Variants in NTNG1 observed in about 807,000 individuals in gnomAD.
NTNG1 encodes netrin-G1.
Under a neutral mutation model 54.0 loss-of-function variants are expected in NTNG1, and 16 were observed. The ratio of observed to expected loss-of-function variants is 0.30; its 90% CI spans 0.20 to 0.45. The LOEUF (loss-of-function observed/expected upper bound fraction) is 0.45. Ranked by LOEUF, NTNG1 falls within the 20% of genes least tolerant of loss-of-function variation. NTNG1 has a pLI of 1.00. For synonymous variants in NTNG1, 255 were observed against 263.1 expected, an observed-to-expected ratio of 0.97 and a Z score of 0.30; for missense variants, 530 against 678.7, an observed-to-expected ratio of 0.78 and a Z score of 2.43.
intron 5 of NTNG1, among the ~76,000 whole-genome samples, chr1:107,424,004 T>C (rs1338962077): frequency 6.6e-6 from 1 of 152,170 alleles, no homozygotes. Flanking sequence ...TTAAGTTCTG[T>C]AGTTATAATT....
At chr1:107,245,456 A>G (rs1473707663) in intron 2 of NTNG1, among the ~76,000 whole-genome samples, 1 of 152,214 alleles carries the variant, frequency 6.6e-6, no homozygotes, top group African/African-American at 2.4e-5. Context: ...ATTATAAGAA[A>G]AAAGAATCTC....
intron 2 of NTNG1, among the ~76,000 whole-genome samples, chr1:107,152,544 A>G (rs1181763167): frequency 6.6e-6 from 1 of 152,198 alleles, no homozygotes; most frequent in Non-Finnish European, 1.5e-5. Context: ...GATAAGTTAA[A>G]CAGACGCTTT....
intron 5 of NTNG1, chr1:107,410,006 G>T (rs1673693971): frequency 6.6e-6 from 1 of 152,070 alleles, no homozygotes; most frequent in South Asian, 2.1e-4. Context: ...ACGGGAATGG[G>T]GTTTTCAAGG....
chr1:107,304,198 T>C (rs1666515476), intron 2 of NTNG1, among the ~76,000 whole-genome samples: 1 of 152,064 alleles, frequency 6.6e-6, no homozygotes, highest in Non-Finnish European at 1.5e-5. Context: ...TTTTTTTTTT[T>C]CTTTTTCTTT....
At chr1:107,370,937 A>G (rs1004764912) in intron 3 of NTNG1, among the ~76,000 whole-genome samples, 1 of 152,118 alleles carries the variant, frequency 6.6e-6, no homozygotes, top group African/African-American at 2.4e-5. Flanking sequence ...TTGATCTTAT[A>G]TACTGCAACC....
intron 3 of NTNG1, among the ~76,000 whole-genome samples, chr1:107,386,859 TC>T (rs2101055172): frequency 6.6e-6 from 1 of 152,358 alleles, no homozygotes; most frequent in African/African-American, 2.4e-5. Flanking sequence ...CATTTTATAC[TC>T]CCAATAGCAA....
At chr1:107,428,273 G>A (rs982277512) in intron 5 of NTNG1, among the ~76,000 whole-genome samples, 8 of 152,050 alleles carry the variant, frequency 5.3e-5, no homozygotes, top group East Asian at 1.9e-4. Flanking sequence ...TGCACATCCT[G>A]TAGGACATTT....
intron 3 of NTNG1, among the ~76,000 whole-genome samples, chr1:107,363,183 T>C (rs1018461911): frequency 6.6e-6 from 1 of 152,232 alleles, no homozygotes; most frequent in African/African-American, 2.4e-5. Flanking sequence ...TTTTCACACC[T>C]GAATTTCATG....
At chr1:107,245,373 T>C (rs188527118) in intron 2 of NTNG1, among the ~76,000 whole-genome samples, 308 of 152,314 alleles carry the variant, frequency 2.0e-3, no homozygotes, top group African/African-American at 5.8e-3. Context: ...TTCTGGTAAA[T>C]AGGCATTTCC....
intron 2 of NTNG1, among the ~76,000 whole-genome samples, chr1:107,206,354 C>T (rs1418377592): frequency 2.6e-5 from 4 of 152,084 alleles, no homozygotes; most frequent in Admixed American, 6.6e-5. Flanking sequence ...AGTGGTGTTT[C>T]ACTGTGGTTT....
chr1:107,209,392 T>G (rs766710621), intron 2 of NTNG1, among the ~76,000 whole-genome samples: 12 of 151,992 alleles, frequency 7.9e-5, no homozygotes, highest in Non-Finnish European at 1.3e-4. Flanking sequence ...AGGAAACAGA[T>G]GATGAGATAG....
intron 5 of NTNG1, chr1:107,408,720 G>T (rs1378847387): frequency 6.6e-6 from 1 of 151,934 alleles, no homozygotes; most frequent in Non-Finnish European, 1.5e-5. Flanking sequence ...GAGAAAGCAA[G>T]ATTACGCATG....
intron 3 of NTNG1, among the ~76,000 whole-genome samples, chr1:107,384,255 C>A (rs779505573): frequency 6.6e-6 from 1 of 152,146 alleles, no homozygotes; most frequent in Non-Finnish European, 1.5e-5. Flanking sequence ...ATAGAACCAG[C>A]AGTTTACTGA....
At chr1:107,294,954 G>T (rs556203919) in intron 2 of NTNG1, among the ~76,000 whole-genome samples, 1 of 152,282 alleles carries the variant, frequency 6.6e-6, no homozygotes, top group Non-Finnish European at 1.5e-5. Context: ...CAACCTAAAT[G>T]CACTCAGTAA....
chr1:107,211,212 G>A (rs767891545), intron 2 of NTNG1, among the ~76,000 whole-genome samples: 8 of 152,142 alleles, frequency 5.3e-5, no homozygotes, highest in East Asian at 3.9e-4. Flanking sequence ...TGTTCTTCAC[G>A]TCTCCTGGAA....
chr1:107,448,831 A>G (rs938250162), intron 7 of NTNG1, among the ~76,000 whole-genome samples: 3 of 152,098 alleles, frequency 2.0e-5, no homozygotes, highest in African/African-American at 4.8e-5. Flanking sequence ...AACTTAAACA[A>G]GTAGCCTATT....
chr1:107,363,977 G>A (rs1267449435), intron 3 of NTNG1, among the ~76,000 whole-genome samples: 1 of 152,086 alleles, frequency 6.6e-6, no homozygotes, highest in Non-Finnish European at 1.5e-5. Flanking sequence ...TTCTGATGCT[G>A]CACAGTGCCC....
chr1:107,381,427 C>A lies in NTNG1; in HGVS notation c.888-13727C>A, dbSNP rs562775575. Among the ~76,000 whole-genome samples the A allele has an allele frequency of 3.6e-5, 5 of 139,082 alleles. No individual in the cohort carries two copies. The East Asian group carries it at 1.2e-3, about 33-fold the overall frequency. 91.2% of individuals were successfully genotyped at this position (139,082 alleles called of 152,430 possible). A position where few individuals can be genotyped will look rare whatever the true frequency, so the allele number is the denominator to read the frequency against. Reference sequence around the variant, plus strand: ...TCGTAAGCATTGCATAAGATTAGAACTAGAATGGGCTTTGAAATTAGCATA... The same window carrying A: ...TCGTAAGCATTGCATAAGATTAGAAATAGAATGGGCTTTGAAATTAGCATA... On this transcript the variant is annotated intron_variant, in intron 3 of 7. Transcript: ENST00000370068.
intron 7 of NTNG1, among the ~76,000 whole-genome samples, chr1:107,472,276 T>A (rs552694): frequency 0.92 from 140,744 of 152,284 alleles, 65,258 homozygotes; most frequent in Admixed American, 0.96. Flanking sequence ...CACAAGACCA[T>A]CCATCATCAT....
Sources: gnomAD v4.1 joint callset for allele counts (sites outside exome capture counted in the v4.1 genomes callset) on GRCh38, gnomAD v4.1.1 for gene constraint, MANE v1.5 for transcripts, NCBI Gene and HGNC (gene_info 2026-07-23, HGNC 2026-07-21) for gene names.